The following SEPTIN14 variants were observed in gnomAD, a reference collection of about 807,000 sequenced individuals.
The protein encoded by SEPTIN14 is septin 14.
Under a neutral mutation model 53.6 loss-of-function variants are expected in SEPTIN14, and 40 were observed. The ratio of observed to expected loss-of-function variants is 0.75; its 90% CI spans 0.58 to 0.97. The LOEUF (loss-of-function observed/expected upper bound fraction) is 0.97. Among genes scored for constraint, SEPTIN14 ranks in the 50% least tolerant of loss-of-function variants. SEPTIN14 has a pLI of 0.00. For synonymous variants in SEPTIN14, 138 were observed against 166.8 expected (o/e 0.83, Z 1.33); for missense variants, 471 against 508.2 (o/e 0.93, Z 0.70).
intron 6 of SEPTIN14, among the ~76,000 whole-genome samples, chr7:55,832,643 C>T (rs959752421): frequency 6.6e-6 from 1 of 152,060 alleles, no homozygotes; most frequent in Non-Finnish European, 1.5e-5. Context: ...TGAAATAACT[C>T]AGAAACAGAA....
chr7:55,836,875 CAA>C (rs1286495341), intron 5 of SEPTIN14, among the ~76,000 whole-genome samples: 2 of 152,094 alleles, frequency 1.3e-5, no homozygotes, highest in Non-Finnish European at 2.9e-5. Context: ...AGATTAAGTA[CAA>C]AGTCTCTTTT....
intron 6 of SEPTIN14, among the ~76,000 whole-genome samples, chr7:55,824,914 C>T (rs1391351894): frequency 6.6e-6 from 1 of 151,962 alleles, no homozygotes; most frequent in Non-Finnish European, 1.5e-5. Flanking sequence ...TGCAAAATGG[C>T]AGTAACCACA....
intron 7 of SEPTIN14, among the ~76,000 whole-genome samples, chr7:55,817,958 T>G (rs1201491497): frequency 1.3e-5 from 2 of 152,086 alleles, no homozygotes; most frequent in African/African-American, 4.8e-5. Flanking sequence ...GAAAAATAAT[T>G]TGTATGGCTC....
intron 7 of SEPTIN14, chr7:55,810,935 C>T: frequency 2.6e-6 from 1 of 388,020 alleles, no homozygotes; most frequent in Middle Eastern, 7.7e-4. Context: ...CACAGCTTGA[C>T]CTTTCCCTTC....
At chr7:55,855,476 C>T in intron 2 of SEPTIN14, among the ~76,000 whole-genome samples, 1 of 152,124 alleles carries the variant, frequency 6.6e-6, no homozygotes, top group Admixed American at 6.6e-5. Flanking sequence ...AAGCAAGGAG[C>T]AAATTGCTAG....
intron 3 of SEPTIN14, among the ~76,000 whole-genome samples, chr7:55,846,064 A>AAAATATATATATATATATAT (rs1562718590): frequency 1.4e-4 from 1 of 7,384 alleles, no homozygotes; most frequent in Non-Finnish European, 4.2e-4. Context: ...AAAAAAAAAA[A>AAAATATATATATATATATAT]GTATATATAT....
At chr7:55,823,280 T>G (rs1788927878) in intron 6 of SEPTIN14, among the ~76,000 whole-genome samples, 1 of 152,180 alleles carries the variant, frequency 6.6e-6, no homozygotes, top group African/African-American at 2.4e-5. Flanking sequence ...TGTTTTAACC[T>G]TTTTGCATAC....
intron 6 of SEPTIN14, among the ~76,000 whole-genome samples, chr7:55,820,292 C>T (rs531559203): frequency 9.8e-5 from 15 of 152,296 alleles, no homozygotes; most frequent in South Asian, 4.1e-4. Context: ...TGAGCCACCA[C>T]GCCCATCCCA....
rs779605491 is a variant in SEPTIN14, at chr7:55,844,607, T to C, written c.287A>G (p.Tyr96Cys). 5.0e-6 allele frequency: 8 copies of C among 1,610,188 alleles called. No homozygotes were observed. Among genetic ancestry groups the C allele is most frequent in the Admixed American group, 1.7e-5 (1 of 59,976 alleles). The change falls in exon 4 of 10, where the codon TAT (tyrosine) becomes TGT (cysteine). Residue 96 changes from tyrosine to cysteine, a missense_variant. By Grantham distance (194) the Tyr-to-Cys change is radical. Coordinates refer to ENST00000388975, the MANE Select transcript of SEPTIN14 (RefSeq NM_207366.3). ...CTGAACATTGCTTTCCTGAAGTTCA[T>C]ATGTCTGAATTTGAAGTCCAACATT... ...YSNVGLQIQTYELQESNVQLK... is the reference protein window; with the variant it reads ...YSNVGLQIQTCELQESNVQLK...
rs1234573906 is a variant in SEPTIN14, at chr7:55,819,233, A to C, written c.721-10T>G. On this transcript the variant is annotated splice_polypyrimidine_tract_variant and intron_variant, in intron 6 of 9. Coordinates refer to ENST00000388975, the MANE Select transcript of SEPTIN14 (RefSeq NM_207366.3). Reference sequence around the variant, plus strand: ...CAAAGGGTAACAGCCCCTAGAAAACAAGAATGACATGAATTGAATTCTCTA... The same window carrying C: ...CAAAGGGTAACAGCCCCTAGAAAACCAGAATGACATGAATTGAATTCTCTA... The C allele has an allele frequency of 6.6e-7, 1 of 1,511,024 alleles. No individual in the cohort carries two copies. The allele number at this position is 1,511,024 out of a possible 1,614,324, so 93.6% of individuals were successfully genotyped here.
rs534362024 is a variant in SEPTIN14, at chr7:55,819,236, A to G, written c.721-13T>C. The G allele has an allele frequency of 2.7e-5, 40 of 1,483,614 alleles. No homozygotes were observed. In the East Asian group the frequency reaches 9.2e-4, roughly 34 times the overall value. The allele number at this position is 1,483,614 out of a possible 1,614,324, so 91.9% of individuals were successfully genotyped here. ...AGGGTAACAGCCCCTAGAAAACAAG[A>G]ATGACATGAATTGAATTCTCTAGCA... On this transcript the variant is annotated splice_polypyrimidine_tract_variant and intron_variant, in intron 6 of 9. Coordinates refer to ENST00000388975, the MANE Select transcript of SEPTIN14 (RefSeq NM_207366.3).
intron 2 of SEPTIN14, among the ~76,000 whole-genome samples, chr7:55,861,185 C>A (rs943160632): frequency 6.6e-6 from 1 of 152,084 alleles, no homozygotes; most frequent in Non-Finnish European, 1.5e-5. Context: ...TGAGAAATTC[C>A]TCTGATGGTT....
In SEPTIN14 at chr7:55,834,022, T is replaced by C. The variant is rs138317818; in HGVS notation, c.720+403A>G. Among the ~76,000 whole-genome samples, 29 of 151,966 alleles carry C rather than the reference T, an allele frequency of 1.9e-4. No individual in the cohort carries two copies. The East Asian group carries it at 5.4e-3, about 28-fold the overall frequency. The stretch of plus-strand genomic sequence containing the variant: ...TAAATAGAGAGCTTAAAGAGACCAA[T>C]AACAAATAGAGAAACTAAAGAAGTA... On this transcript the variant is annotated intron_variant, in intron 6 of 9. Coordinates refer to ENST00000388975, the MANE Select transcript of SEPTIN14 (RefSeq NM_207366.3).
intron 9 of SEPTIN14, among the ~76,000 whole-genome samples, chr7:55,804,188 G>T (rs1348011562): frequency 7.2e-6 from 1 of 138,024 alleles, no homozygotes; most frequent in East Asian, 2.1e-4. Flanking sequence ...TATGTCTCTT[G>T]TCCTTAGATG....
chr7:55,850,549 G>A (rs1430125968), intron 2 of SEPTIN14, among the ~76,000 whole-genome samples: 2 of 152,108 alleles, frequency 1.3e-5, no homozygotes, highest in Non-Finnish European at 2.9e-5. Context: ...TCTGTCATGT[G>A]CATAGCTGCA....
At chr7:55,836,744 C>G (rs1453433620) in intron 5 of SEPTIN14, among the ~76,000 whole-genome samples, 10 of 152,022 alleles carry the variant, frequency 6.6e-5, no homozygotes, top group African/African-American at 1.7e-4. Context: ...GTCTCAACAA[C>G]AACAACAACA....
intron 2 of SEPTIN14, among the ~76,000 whole-genome samples, chr7:55,860,320 G>A (rs1043417463): frequency 1.3e-5 from 2 of 152,128 alleles, no homozygotes. Context: ...ATATGCATCA[G>A]CTTAAAAAGT....
At chr7:55,834,033 G>A (rs192992303) in intron 6 of SEPTIN14, among the ~76,000 whole-genome samples, 1 of 152,066 alleles carries the variant, frequency 6.6e-6, no homozygotes, top group East Asian at 1.9e-4. Flanking sequence ...AACAAATAGA[G>A]AAACTAAAGA....
At chr7:55,849,181 C>T (rs920753727) in intron 2 of SEPTIN14, among the ~76,000 whole-genome samples, 11 of 151,276 alleles carry the variant, frequency 7.3e-5, no homozygotes, top group Admixed American at 6.6e-4. Flanking sequence ...AAAAATGAAC[C>T]CGGCATGGTG....
Sources: allele counts gnomAD v4.1 joint callset (sites outside exome capture counted in the v4.1 genomes callset), GRCh38; gene constraint gnomAD v4.1.1; transcripts MANE v1.5; gene names NCBI Gene and HGNC (gene_info 2026-07-23, HGNC 2026-07-21).